The following NFIB variants were observed in gnomAD, a reference collection of about 807,000 sequenced individuals.
NFIB encodes the protein nuclear factor I B, also known as nuclear factor 1 B-type.
NFIB carries 11 observed loss-of-function variants against 61.5 expected under a neutral mutation model. That is an observed-to-expected ratio of 0.18 (90% CI 0.11 to 0.30). The LOEUF is 0.30. Ranked by LOEUF, NFIB falls within the 10% of genes least tolerant of loss-of-function variation. The pLI is 1.00. For synonymous variants in NFIB, 260 were observed against 216.5 expected (o/e 1.20, Z -1.76); for missense variants, 471 against 608.9 (o/e 0.77, Z 2.38).
rs990915321 is a variant in NFIB, at chr9:14,088,055, G to C, written c.*254C>G. The C allele has an allele frequency of 5.9e-5, 40 of 675,104 alleles. No homozygotes were observed. Among genetic ancestry groups the C allele is most frequent in the Non-Finnish European group, 8.0e-5 (37 of 465,044 alleles). 41.8% of individuals were successfully genotyped at this position (675,104 alleles called of 1,614,324 possible). ...ACCTTAAGGGAATTAGTGATTGTAA[G>C]TGCTGCAATTGCTGGTCTATTATCT... is the stretch of plus-strand genomic sequence containing the variant. On this transcript the variant is annotated 3_prime_UTR_variant, in exon 11 of 11. Transcript: ENST00000380953.
chr9:14,376,941 C>T (rs2061427658), intron 1 of NFIB, among the ~76,000 whole-genome samples: 1 of 152,188 alleles, frequency 6.6e-6, no homozygotes, highest in East Asian at 1.9e-4. Context: ...AGGTGTTTAT[C>T]TGTCTAGTTT....
intron 1 of NFIB, among the ~76,000 whole-genome samples, chr9:14,368,585 G>A (rs140815583): frequency 1.2e-3 from 187 of 152,256 alleles, no homozygotes; most frequent in African/African-American, 4.2e-3. Context: ...AGCATTTCTC[G>A]ACCATTATCT....
chr9:14,301,648 T>C (rs563668153), intron 2 of NFIB, among the ~76,000 whole-genome samples: 1 of 152,232 alleles, frequency 6.6e-6, no homozygotes, highest in South Asian at 2.1e-4. Flanking sequence ...AGAGCTTAGT[T>C]TGCCATATCG....
At chr9:14,335,041 C>G (rs1208616625) in intron 1 of NFIB, among the ~76,000 whole-genome samples, 1 of 152,184 alleles carries the variant, frequency 6.6e-6, no homozygotes, top group East Asian at 1.9e-4. Context: ...CTCATTAGTA[C>G]TCCATTGTAT....
chr9:14,334,972 G>C lies in NFIB; in HGVS notation c.109-27452C>G, dbSNP rs538993193. On this transcript the variant is annotated intron_variant, in intron 1 of 8. Transcript: ENST00000380934. ...TTTTTCATCTGGCTTCTTTCTTTCA[G>C]CATAATTATTTTGATATTCATCCAT... Among the ~76,000 whole-genome samples, 5 of 152,118 alleles carry C rather than the reference G, an allele frequency of 3.3e-5. No individual in the cohort carries two copies. In the East Asian group the frequency reaches 9.7e-4, roughly 29 times the overall value.
At chr9:14,285,937 T>C (rs1471151268) in intron 2 of NFIB, among the ~76,000 whole-genome samples, 3 of 150,978 alleles carry the variant, frequency 2.0e-5, no homozygotes, top group Non-Finnish European at 2.9e-5. Flanking sequence ...CTGAAAGTTA[T>C]ACAGTTAAAA....
At chr9:14,407,150 A>T in the NFIB span, among the ~76,000 whole-genome samples, 7 of 152,192 alleles carry the variant, frequency 4.6e-5, no homozygotes, top group East Asian at 5.8e-4. Flanking sequence ...GCTCGCAACT[A>T]AAAAACCTTC....
chr9:14,235,557 T>C (rs971053359), intron 2 of NFIB, among the ~76,000 whole-genome samples: 3 of 152,250 alleles, frequency 2.0e-5, no homozygotes, highest in African/African-American at 7.2e-5. Flanking sequence ...TTTGGTTATA[T>C]GTCACTTACC....
chr9:14,273,080 G>C (rs980009701), intron 2 of NFIB, among the ~76,000 whole-genome samples: 1 of 152,168 alleles, frequency 6.6e-6, no homozygotes, highest in Non-Finnish European at 1.5e-5. Context: ...GCACGCCAGG[G>C]AGAAAGAAGA....
chr9:14,513,568 C>T, the NFIB span, among the ~76,000 whole-genome samples: 6 of 143,004 alleles, frequency 4.2e-5, no homozygotes, highest in Non-Finnish European at 6.0e-5. Flanking sequence ...CCGGAGGGTG[C>T]AGTGAGCCGA....
chr9:14,346,879 G>C (rs1280840037), intron 1 of NFIB, among the ~76,000 whole-genome samples: 2 of 152,076 alleles, frequency 1.3e-5, no homozygotes, highest in Non-Finnish European at 2.9e-5. Context: ...TTGCTGTCTC[G>C]CAAACATCCC....
intron 2 of NFIB, chr9:14,204,557 C>T (rs2049417668): frequency 2.9e-6 from 4 of 1,366,368 alleles, no homozygotes; most frequent in Non-Finnish European, 4.1e-6. Flanking sequence ...CAAGTACAGA[C>T]CAGAGACAAA....
the NFIB span, among the ~76,000 whole-genome samples, chr9:14,530,340 C>G: frequency 1.1e-4 from 16 of 151,862 alleles, no homozygotes; most frequent in African/African-American, 3.9e-4. Flanking sequence ...TAACAGTTTG[C>G]CACTTTAGAG....
At chr9:14,405,228 A>C in the NFIB span, among the ~76,000 whole-genome samples, 1 of 152,228 alleles carries the variant, frequency 6.6e-6, no homozygotes, top group Non-Finnish European at 1.5e-5. Flanking sequence ...CATCAGCCTG[A>C]GTCCCTGAAT....
At chr9:14,156,128 G>T (rs996105262) in intron 3 of NFIB, among the ~76,000 whole-genome samples, 1 of 152,118 alleles carries the variant, frequency 6.6e-6, no homozygotes, top group African/African-American at 2.4e-5. Flanking sequence ...CTTTCTAAAA[G>T]TACAGGTTTA....
the NFIB span, among the ~76,000 whole-genome samples, chr9:14,481,384 A>G: frequency 0.087 from 12,935 of 148,278 alleles, 788 homozygotes; most frequent in South Asian, 0.19. Flanking sequence ...TCACTTCCCC[A>G]TTTCCCTCCT....
At chr9:14,227,854 TG>T (rs1193214021) in intron 2 of NFIB, among the ~76,000 whole-genome samples, 11 of 152,328 alleles carry the variant, frequency 7.2e-5, no homozygotes, top group Admixed American at 4.6e-4. Context: ...TCTGAACCTC[TG>T]GAGTCTAAGC....
chr9:14,217,198 G>A (rs1049803861), intron 2 of NFIB, among the ~76,000 whole-genome samples: 2 of 151,976 alleles, frequency 1.3e-5, no homozygotes, highest in African/African-American at 4.8e-5. Flanking sequence ...CTTTTTCCCA[G>A]GTTACAGCTT....
intron 1 of NFIB, among the ~76,000 whole-genome samples, chr9:14,378,635 G>A (rs1046965624): frequency 9.2e-5 from 14 of 152,206 alleles, no homozygotes; most frequent in Non-Finnish European, 1.9e-4. Flanking sequence ...GATTACAGGC[G>A]TGAGCCACCA....
Sources: gnomAD v4.1 joint callset for allele counts (sites outside exome capture counted in the v4.1 genomes callset) on GRCh38, gnomAD v4.1.1 for gene constraint, MANE v1.5 for transcripts, NCBI Gene and HGNC (gene_info 2026-07-23, HGNC 2026-07-21) for gene names.